Variants in ENTPD1 observed in about 807,000 individuals in gnomAD.
ENTPD1 encodes ATP diphosphohydrolase.
A neutral mutation model predicts 57.0 loss-of-function variants in ENTPD1; 33 were observed. The observed-to-expected ratio is 0.58, with a 90% CI of 0.44 to 0.77. The LOEUF (loss-of-function observed/expected upper bound fraction) is 0.77. Among genes scored for constraint, ENTPD1 ranks in the 30% least tolerant of loss-of-function variants. ENTPD1 has a pLI of 0.00. For missense variants in ENTPD1, 501 were observed against 603.4 expected, an observed-to-expected ratio of 0.83 and a Z score of 1.78; for synonymous variants, 202 against 218.8, an observed-to-expected ratio of 0.92 and a Z score of 0.68.
At chr10:95,863,713 G>A (rs1193189363) in intron 8 of ENTPD1, among the ~76,000 whole-genome samples, 1 of 152,218 alleles carries the variant, frequency 6.6e-6, no homozygotes, top group Non-Finnish European at 1.5e-5. Flanking sequence ...ACGGAAGGGA[G>A]AGAAATCTGG....
intron 7 of ENTPD1, among the ~76,000 whole-genome samples, chr10:95,851,588 C>A (rs1238051095): frequency 4.0e-5 from 5 of 123,684 alleles, no homozygotes; most frequent in Non-Finnish European, 6.6e-5. Flanking sequence ...CCTCCCCCCA[C>A]CCCACGACAG....
Position 95,867,653 on chromosome 10 carries a change from A to T in ENTPD1, c.*1270A>T, listed in dbSNP as rs570456280. The T allele has an allele frequency of 6.1e-6, 6 of 985,428 alleles. No individual in the cohort carries two copies. Among genetic ancestry groups the T allele is most frequent in the African/African-American group, 3.5e-5 (2 of 57,346 alleles). 61.0% of individuals were successfully genotyped at this position (985,428 alleles called of 1,614,324 possible). A position where few individuals can be genotyped will look rare whatever the true frequency, so the allele number is the denominator to read the frequency against. ...GCAGCAGCTATAGACCTTACCATGGAAACATGAAGAGACCCTGCACCCCTT... is the reference window on the plus strand; with the variant it reads ...GCAGCAGCTATAGACCTTACCATGGTAACATGAAGAGACCCTGCACCCCTT... On this transcript the variant is annotated 3_prime_UTR_variant, in exon 10 of 10. Transcript: ENST00000371205.
At chr10:95,793,336 T>G (rs575657806) in intron 1 of ENTPD1, among the ~76,000 whole-genome samples, 1 of 152,314 alleles carries the variant, frequency 6.6e-6, no homozygotes, top group African/African-American at 2.4e-5. Context: ...TGTTGAGTTG[T>G]TTATAAAAAA....
At chr10:95,768,485 TTTC>T (rs1453009329) in intron 1 of ENTPD1, among the ~76,000 whole-genome samples, 1 of 144,716 alleles carries the variant, frequency 6.9e-6, no homozygotes, top group Non-Finnish European at 1.5e-5. Context: ...TTCTTCTTTC[TTTC>T]TTTTCTTTTT....
At chr10:95,769,422 G>C (rs2098105982) in intron 1 of ENTPD1, among the ~76,000 whole-genome samples, 1 of 152,252 alleles carries the variant, frequency 6.6e-6, no homozygotes, top group Non-Finnish European at 1.5e-5. Context: ...GTCCTGAGGA[G>C]AAATTAAGTG....
chr10:95,732,690 A>G (rs1424418367), intron 1 of ENTPD1, among the ~76,000 whole-genome samples: 1 of 152,164 alleles, frequency 6.6e-6, no homozygotes, highest in Non-Finnish European at 1.5e-5. Context: ...CAGTCGGAGA[A>G]ATAAAGGGAA....
intron 7 of ENTPD1, among the ~76,000 whole-genome samples, chr10:95,848,022 T>C (rs1301157352): frequency 2.0e-5 from 3 of 152,118 alleles, no homozygotes; most frequent in African/African-American, 7.2e-5. Flanking sequence ...AGTACTGCCT[T>C]TCCGGAATGG....
chr10:95,832,235 A>G (rs1566209562), intron 2 of ENTPD1, among the ~76,000 whole-genome samples: 1 of 152,070 alleles, frequency 6.6e-6, no homozygotes, highest in Non-Finnish European at 1.5e-5. Flanking sequence ...AGAGTTCTCT[A>G]GAGATCCTAG....
chr10:95,809,808 G>T (rs2098294499), intron 1 of ENTPD1, among the ~76,000 whole-genome samples: 1 of 151,090 alleles, frequency 6.6e-6, no homozygotes, highest in Non-Finnish European at 1.5e-5. Flanking sequence ...CGGGGCAGAA[G>T]TGCTCCCCAC....
At chr10:95,856,521 G>T (rs755410128) in intron 7 of ENTPD1, among the ~76,000 whole-genome samples, 4 of 152,052 alleles carry the variant, frequency 2.6e-5, no homozygotes, top group Non-Finnish European at 4.4e-5. Context: ...ATAAGTCATT[G>T]TATGAAAAAG....
chr10:95,826,451 T>C (rs1344598133), intron 2 of ENTPD1, among the ~76,000 whole-genome samples: 1 of 151,518 alleles, frequency 6.6e-6, no homozygotes, highest in African/African-American at 2.4e-5. Flanking sequence ...CGCGTACTTG[T>C]AATCCTAGCT....
In ENTPD1 at chr10:95,870,000, T is replaced by G; in HGVS notation, c.*3617T>G. On this transcript the variant is annotated 3_prime_UTR_variant, in exon 10 of 10. Coordinates refer to ENST00000371205, the MANE Select transcript of ENTPD1 (RefSeq NM_001776.6). The stretch of plus-strand genomic sequence containing the variant: ...GTTAAAGTTTAAAAGACACAGGAAC[T>G]AAGCCCTCATTGTCTTTCCCTTGGG... 1 of 985,456 alleles carries G rather than the reference T, an allele frequency of 1.0e-6. No individual in the cohort carries two copies. Among genetic ancestry groups the G allele is most frequent in the Non-Finnish European group, 1.2e-6 (1 of 829,940 alleles). 61.0% of individuals were successfully genotyped at this position (985,456 alleles called of 1,614,324 possible).
At chr10:95,757,246 C>T (rs1384595611) in intron 1 of ENTPD1, among the ~76,000 whole-genome samples, 1 of 152,310 alleles carries the variant, frequency 6.6e-6, no homozygotes, top group African/African-American at 2.4e-5. Context: ...GTGTTGGGAG[C>T]TATACCTAGC....
intron 1 of ENTPD1, among the ~76,000 whole-genome samples, chr10:95,775,109 C>G (rs2098129105): frequency 6.6e-6 from 1 of 152,116 alleles, no homozygotes; most frequent in South Asian, 2.1e-4. Flanking sequence ...AATGGGAGTT[C>G]ACTCATCATT....
intron 1 of ENTPD1, among the ~76,000 whole-genome samples, chr10:95,736,099 C>G (rs762147665): frequency 2.7e-5 from 4 of 149,066 alleles, no homozygotes; most frequent in Non-Finnish European, 5.9e-5. Flanking sequence ...CTCCCTGGTT[C>G]AAGGAATTCT....
intron 1 of ENTPD1, among the ~76,000 whole-genome samples, chr10:95,740,861 C>T (rs1481075636): frequency 6.6e-6 from 1 of 152,208 alleles, no homozygotes; most frequent in African/African-American, 2.4e-5. Flanking sequence ...AGCTTTCTTA[C>T]CTTTCTCAGC....
intron 1 of ENTPD1, among the ~76,000 whole-genome samples, chr10:95,724,988 G>C (rs1475159190): frequency 1.3e-5 from 2 of 152,006 alleles, no homozygotes; most frequent in African/African-American, 4.8e-5. Context: ...ATGTGTGTTG[G>C]GACACTTGAA....
intron 1 of ENTPD1, among the ~76,000 whole-genome samples, chr10:95,724,310 A>T (rs1483250291): frequency 1.3e-5 from 2 of 152,146 alleles, no homozygotes; most frequent in Non-Finnish European, 2.9e-5. Context: ...CAGAATAGCA[A>T]GTGAAAGTGG....
At position 95,872,677 on chromosome 10, in the gene ENTPD1, AC is replaced by A. The variant is rs1451863994; in HGVS notation, c.*6295del. 2.1e-6 allele frequency: 2 copies of A among 939,432 alleles called. No homozygotes were observed. The highest frequency in any genetic ancestry group is 2.5e-6 in the Non-Finnish European group (2 of 808,116). 58.2% of individuals were successfully genotyped at this position (939,432 alleles called of 1,614,324 possible). On this transcript the variant is annotated 3_prime_UTR_variant, in exon 10 of 10. Transcript: ENST00000371205. Reference sequence around the variant, plus strand: ...AAAAGTTGGATTCAGGGATATTATCACGGACCTAAGGTAATAGTTCTAGCCA... The same window carrying A: ...AAAAGTTGGATTCAGGGATATTATCAGGACCTAAGGTAATAGTTCTAGCCA...
Sources: gnomAD v4.1 joint callset for allele counts (sites outside exome capture counted in the v4.1 genomes callset) on GRCh38, gnomAD v4.1.1 for gene constraint, MANE v1.5 for transcripts, NCBI Gene and HGNC (gene_info 2026-07-23, HGNC 2026-07-21) for gene names.